Variants in INPP4B observed in about 807,000 individuals in gnomAD.
INPP4B encodes the protein inositol polyphosphate-4-phosphatase type II B.
In INPP4B, 55 loss-of-function variants were observed where a neutral mutation model predicts 122.5. That is an observed-to-expected ratio of 0.45 (90% CI 0.36 to 0.56). The LOEUF is 0.56. Ranked by LOEUF, INPP4B falls within the 20% of genes least tolerant of loss-of-function variation. The pLI is 0.00. For synonymous variants in INPP4B, 403 were observed against 388.7 expected, an observed-to-expected ratio of 1.04 and a Z score of -0.43; for missense variants, 1,000 against 1,097.7, an observed-to-expected ratio of 0.91 and a Z score of 1.26.
intron 25 of INPP4B, among the ~76,000 whole-genome samples, chr4:142,067,560 T>C (rs336373): frequency 0.89 from 136,139 of 152,160 alleles, 62,271 homozygotes; most frequent in Non-Finnish European, 0.98. Flanking sequence ...TCAAACCCAT[T>C]GCAAGGAAGC....
chr4:142,688,161 A>C (rs1348919541), intron 2 of INPP4B, among the ~76,000 whole-genome samples: 2 of 152,132 alleles, frequency 1.3e-5, no homozygotes, highest in African/African-American at 4.8e-5. Flanking sequence ...AACACTTTCC[A>C]GATTCACTTC....
intron 10 of INPP4B, among the ~76,000 whole-genome samples, chr4:142,268,600 A>C (rs1223430061): frequency 6.6e-6 from 1 of 152,068 alleles, no homozygotes; most frequent in Non-Finnish European, 1.5e-5. Flanking sequence ...TGTGGAAGCA[A>C]TCTTAGTGTC....
At chr4:142,442,659 C>G (rs955484438) in intron 3 of INPP4B, among the ~76,000 whole-genome samples, 11 of 152,056 alleles carry the variant, frequency 7.2e-5, no homozygotes, top group Non-Finnish European at 1.5e-4. Context: ...ATAAGTTTTC[C>G]TTAACTAGTA....
At chr4:142,315,766 T>A (rs1481697781) in intron 7 of INPP4B, among the ~76,000 whole-genome samples, 1 of 151,438 alleles carries the variant, frequency 6.6e-6, no homozygotes, top group African/African-American at 2.4e-5. Flanking sequence ...TAAAGCAATA[T>A]ACAAGCACAT....
At chr4:142,529,098 A>G (rs1425215847) in intron 2 of INPP4B, among the ~76,000 whole-genome samples, 1 of 152,094 alleles carries the variant, frequency 6.6e-6, no homozygotes, top group Non-Finnish European at 1.5e-5. Context: ...TCTCCTATCC[A>G]TGAAACCACA....
In INPP4B at chr4:142,367,513, C is replaced by T. The variant is rs181406523; in HGVS notation, c.372+35425G>A. On this transcript the variant is annotated intron_variant, in intron 7 of 25. Coordinates refer to ENST00000262992, the MANE Select transcript of INPP4B (RefSeq NM_001101669.3). ...TTACTATCAGTCTGTCTAGAGGGTG[C>T]TATTCCTGTCTCCATTTCACGAAGA... is the stretch of plus-strand genomic sequence containing the variant. 5.3e-3 allele frequency among the ~76,000 whole-genome samples: 807 copies of T among 152,164 alleles called. 3 individuals are homozygous for T. The highest frequency in any genetic ancestry group is 7.5e-3 in the Non-Finnish European group (511 of 67,996).
chr4:142,141,562 G>T (rs1185195779), intron 18 of INPP4B, among the ~76,000 whole-genome samples: 2 of 152,042 alleles, frequency 1.3e-5, no homozygotes, highest in African/African-American at 2.4e-5. Context: ...TTTCTCTTCA[G>T]AACAGCACAG....
chr4:142,183,913 T>C (rs1310701856), intron 15 of INPP4B, among the ~76,000 whole-genome samples: 2 of 152,194 alleles, frequency 1.3e-5, no homozygotes, highest in East Asian at 1.9e-4. Flanking sequence ...TTGTTGATTT[T>C]TTTTTCTGAT....
chr4:142,333,040 C>T (rs1775288740), intron 7 of INPP4B, among the ~76,000 whole-genome samples: 1 of 148,960 alleles, frequency 6.7e-6, no homozygotes, highest in Non-Finnish European at 1.5e-5. Flanking sequence ...AAAAAAAAAC[C>T]TTCTAAAACC....
chr4:142,158,446 T>A (rs1056084929), intron 17 of INPP4B, among the ~76,000 whole-genome samples: 5 of 152,096 alleles, frequency 3.3e-5, no homozygotes, highest in Non-Finnish European at 5.9e-5. Context: ...GAACAGGTAC[T>A]CAGTAACACT....
At chr4:142,355,696 A>G (rs980040064) in intron 7 of INPP4B, among the ~76,000 whole-genome samples, 3 of 152,004 alleles carry the variant, frequency 2.0e-5, no homozygotes, top group African/African-American at 7.2e-5. Context: ...ATATAACAAC[A>G]CAAAGGATAT....
At chr4:142,292,539 C>T (rs1756889505) in intron 9 of INPP4B, among the ~76,000 whole-genome samples, 1 of 152,118 alleles carries the variant, frequency 6.6e-6, no homozygotes, top group Admixed American at 6.5e-5. Context: ...AAAATAATCC[C>T]CACTTACACC....
intron 1 of INPP4B, among the ~76,000 whole-genome samples, chr4:142,744,031 T>A (rs1768287118): frequency 1.3e-5 from 2 of 151,950 alleles, no homozygotes; most frequent in Admixed American, 1.3e-4. Flanking sequence ...TATTTAAACA[T>A]ATTCAAAAAA....
At chr4:142,275,055 C>T (rs946451835) in intron 9 of INPP4B, among the ~76,000 whole-genome samples, 1 of 151,730 alleles carries the variant, frequency 6.6e-6, no homozygotes, top group Non-Finnish European at 1.5e-5. Context: ...GATTAAGGTT[C>T]CTTAAAATCT....
At chr4:142,784,412 A>T (rs181881285) in intron 1 of INPP4B, among the ~76,000 whole-genome samples, 2 of 137,106 alleles carry the variant, frequency 1.5e-5, no homozygotes, top group Admixed American at 7.1e-5. Flanking sequence ...AATAAATAAA[A>T]ATTAAAATCA....
intron 3 of INPP4B, among the ~76,000 whole-genome samples, chr4:142,460,717 G>T (rs951939448): frequency 6.6e-6 from 1 of 152,056 alleles, no homozygotes; most frequent in Non-Finnish European, 1.5e-5. Context: ...GTTTGTCTCA[G>T]TTTTTAATAA....
intron 1 of INPP4B, among the ~76,000 whole-genome samples, chr4:142,818,791 C>T (rs1487328176): frequency 6.6e-6 from 1 of 152,060 alleles, no homozygotes; most frequent in African/African-American, 2.4e-5. Flanking sequence ...GCCCCTCGCC[C>T]TTATTAGTTT....
At chr4:142,473,756 C>T (rs1819326784) in intron 2 of INPP4B, among the ~76,000 whole-genome samples, 1 of 152,200 alleles carries the variant, frequency 6.6e-6, no homozygotes. Flanking sequence ...ACCCAGACAG[C>T]AGGGCTGGTG....
Position 142,118,795 on chromosome 4 carries a change from G to A in INPP4B, c.2135+3333C>T, listed in dbSNP as rs186571228. 3.2e-4 allele frequency among the ~76,000 whole-genome samples: 48 copies of A among 152,172 alleles called. No homozygotes were observed. In the East Asian group the frequency reaches 8.9e-3, roughly 28 times the overall value. ...CAACAAAAGCCAAAATTGAGAAATG[G>A]GATCTAATTAAACTAAAGAGCTTCT... On this transcript the variant is annotated intron_variant, in intron 21 of 25. Coordinates refer to ENST00000262992, the MANE Select transcript of INPP4B (RefSeq NM_001101669.3).
Sources: allele counts gnomAD v4.1 joint callset (sites outside exome capture counted in the v4.1 genomes callset), GRCh38; gene constraint gnomAD v4.1.1; transcripts MANE v1.5; gene names NCBI Gene and HGNC (gene_info 2026-07-23, HGNC 2026-07-21).